The following RAPGEF4 variants were observed in gnomAD, a reference collection of about 807,000 sequenced individuals.
The protein encoded by RAPGEF4 is Rap guanine nucleotide exchange factor 4.
A neutral mutation model predicts 147.9 loss-of-function variants in RAPGEF4; 66 were observed. That is an observed-to-expected ratio of 0.45 (90% CI 0.37 to 0.55). The LOEUF (loss-of-function observed/expected upper bound fraction) is 0.55. Ranked by LOEUF, RAPGEF4 falls within the 20% of genes least tolerant of loss-of-function variation. The pLI is 0.00. For synonymous variants in RAPGEF4, 419 were observed against 442.7 expected (o/e 0.95, Z 0.67); for missense variants, 1,071 against 1,257.3 (o/e 0.85, Z 2.24).
intron 4 of RAPGEF4, among the ~76,000 whole-genome samples, chr2:172,821,099 T>C (rs1689016697): frequency 6.6e-6 from 1 of 152,192 alleles, no homozygotes; most frequent in African/African-American, 2.4e-5. Context: ...GTCAGAAAAA[T>C]GAAAGCCAAA....
At chr2:172,874,690 T>C (rs1443015569) in intron 4 of RAPGEF4, among the ~76,000 whole-genome samples, 1 of 152,130 alleles carries the variant, frequency 6.6e-6, no homozygotes, top group Non-Finnish European at 1.5e-5. Context: ...CTATTGTGAA[T>C]AGTGCCGCAA....
intron 1 of RAPGEF4, among the ~76,000 whole-genome samples, chr2:172,756,283 A>G (rs1468762090): frequency 6.6e-6 from 1 of 152,222 alleles, no homozygotes; most frequent in Non-Finnish European, 1.5e-5. Flanking sequence ...CAAAATGGAA[A>G]GGTGCCTGTG....
intron 3 of RAPGEF4, 76 bp from the exon 4 acceptor site, chr2:172,814,203 A>C: frequency 7.0e-7 from 1 of 1,436,662 alleles, no homozygotes; most frequent in East Asian, 2.3e-5. Flanking sequence ...TACAAATTAT[A>C]CTGCAGTTAA....
chr2:173,004,828 C>T (rs1694275578), intron 17 of RAPGEF4, among the ~76,000 whole-genome samples: 1 of 151,884 alleles, frequency 6.6e-6, no homozygotes, highest in Non-Finnish European at 1.5e-5. Flanking sequence ...AATAATGTTA[C>T]ATGTGCTTTT....
At chr2:172,813,275 T>C (rs1363243392) in intron 3 of RAPGEF4, among the ~76,000 whole-genome samples, 1 of 152,250 alleles carries the variant, frequency 6.6e-6, no homozygotes, top group East Asian at 1.9e-4. Context: ...CCTTAGTTTA[T>C]AATGCCTTAC....
At position 172,877,198 on chromosome 2, in the gene RAPGEF4, G is replaced by A. The variant is rs1206365301; in HGVS notation, c.445-40604G>A. Among the ~76,000 whole-genome samples the A allele has an allele frequency of 2.6e-5, 4 of 152,170 alleles. No homozygotes were observed. In the South Asian group the frequency reaches 6.2e-4, roughly 24 times the overall value. ...ACTATGCAGGCATAAAAAAGGATGA[G>A]TTCATGTCCTTTGCAGGGACATGGA... On this transcript the variant is annotated intron_variant, in intron 4 of 30. Transcript: ENST00000397081.
rs1575105969 is a variant in RAPGEF4, at chr2:172,875,074, G to A, written c.445-42728G>A. ...TGAGAAGTGTCTGTTCACATCCTTTGCCCACTTTTTGATGGGGTTGTTTGT... is the reference window on the plus strand; with the variant it reads ...TGAGAAGTGTCTGTTCACATCCTTTACCCACTTTTTGATGGGGTTGTTTGT... On this transcript the variant is annotated intron_variant, in intron 4 of 30. Transcript: ENST00000397081. 2.0e-5 allele frequency among the ~76,000 whole-genome samples: 3 copies of A among 152,216 alleles called. No individual in the cohort carries two copies. In the South Asian group the frequency reaches 6.2e-4, roughly 32 times the overall value.
intron 4 of RAPGEF4, among the ~76,000 whole-genome samples, chr2:172,836,509 G>C (rs17705834): frequency 0.015 from 2,275 of 152,320 alleles, 20 homozygotes; most frequent in South Asian, 0.034. Context: ...TTGCCTGGTA[G>C]AATAATAACA....
intron 4 of RAPGEF4, among the ~76,000 whole-genome samples, chr2:172,898,311 A>T (rs1471744279): frequency 1.3e-5 from 2 of 152,114 alleles, no homozygotes; most frequent in Non-Finnish European, 2.9e-5. Context: ...GTAGCTGTTG[A>T]ATCCTGTTCC....
In RAPGEF4 at chr2:173,017,195, A is replaced by G. The variant is rs1296353146; in HGVS notation, c.1920A>G (p.Pro640=). ...GTAGCTCAGAAGATGCAAAGGCACC[A>G]CAAAAGAAGGTAGGTGGCATGAACT... ...VKQISEDAKA[P]QKKHKVLLQQ... is the part of the protein sequence containing the mutation. The change falls in exon 20 of 31, where the codon CCA becomes CCG. Residue 640 remains proline (P), a synonymous_variant. Coordinates refer to ENST00000397081, the MANE Select transcript of RAPGEF4 (RefSeq NM_007023.4). The G allele has an allele frequency of 6.2e-7, 1 of 1,613,636 alleles. No individual in the cohort carries two copies. Among genetic ancestry groups the G allele is most frequent in the South Asian group, 1.1e-5 (1 of 91,074 alleles).
chr2:172,871,283 A>T (rs147673660), intron 4 of RAPGEF4, among the ~76,000 whole-genome samples: 2 of 152,294 alleles, frequency 1.3e-5, no homozygotes, highest in African/African-American at 4.8e-5. Context: ...TTAGACTTGC[A>T]CTGATTTTTG....
intron 6 of RAPGEF4, among the ~76,000 whole-genome samples, chr2:172,926,702 G>A (rs544960587): frequency 2.0e-5 from 3 of 152,208 alleles, no homozygotes; most frequent in African/African-American, 7.2e-5. Context: ...CTTCTGAGTA[G>A]CTGGGACTAC....
At chr2:173,040,967 A>G (rs1684691832) in intron 29 of RAPGEF4, among the ~76,000 whole-genome samples, 1 of 152,214 alleles carries the variant, frequency 6.6e-6, no homozygotes, top group Non-Finnish European at 1.5e-5. Flanking sequence ...TGCATAAAGC[A>G]TGCTGATAAG....
At chr2:172,738,054 T>TG (rs1693971587) in intron 1 of RAPGEF4, among the ~76,000 whole-genome samples, 1 of 152,280 alleles carries the variant, frequency 6.6e-6, no homozygotes, top group Non-Finnish European at 1.5e-5. Context: ...ATGAAGGCCA[T>TG]GGGGGGACTT....
chr2:173,032,692 G>A (rs1697304935), intron 26 of RAPGEF4, among the ~76,000 whole-genome samples: 1 of 152,148 alleles, frequency 6.6e-6, no homozygotes, highest in Non-Finnish European at 1.5e-5. Context: ...AACTTGAAAT[G>A]CCAGAAAAAT....
chr2:172,925,610 AC>A (rs1278120604), intron 6 of RAPGEF4, among the ~76,000 whole-genome samples: 56 of 151,884 alleles, frequency 3.7e-4, no homozygotes, highest in African/African-American at 1.2e-3. Flanking sequence ...ACACACACAC[AC>A]ACACACGCTG....
intron 4 of RAPGEF4, chr2:172,860,080 A>G: frequency 5.1e-6 from 5 of 985,414 alleles, no homozygotes; most frequent in Non-Finnish European, 6.0e-6. Flanking sequence ...CGGCTAAAGA[A>G]AGGTAGGATG....
rs1410715623 is a variant in RAPGEF4, at chr2:172,814,149, C to T, written c.298-130C>T. 4 of 910,204 alleles carry T rather than the reference C, an allele frequency of 4.4e-6. No homozygotes were observed. The African/African-American group carries it at 5.0e-5, about 11-fold the overall frequency. 56.4% of individuals were successfully genotyped at this position (910,204 alleles called of 1,614,324 possible). A position where few individuals can be genotyped will look rare whatever the true frequency, so the allele number is the denominator to read the frequency against. ...TAATTACTCCGGTATATATATTTGT[C>T]AAGACTTGTTGAACTATGCAATTAA... On this transcript the variant is annotated intron_variant, in intron 3 of 30. Coordinates refer to ENST00000397081, the MANE Select transcript of RAPGEF4 (RefSeq NM_007023.4).
chr2:172,889,948 G>C (rs1451214385), intron 4 of RAPGEF4: 1 of 470,484 alleles, frequency 2.1e-6, no homozygotes, highest in Non-Finnish European at 2.8e-6. Context: ...TGATGTGCTG[G>C]GTTTATTTCT....
Sources: allele counts gnomAD v4.1 joint callset (sites outside exome capture counted in the v4.1 genomes callset), GRCh38; gene constraint gnomAD v4.1.1; transcripts MANE v1.5; gene names NCBI Gene and HGNC (gene_info 2026-07-23, HGNC 2026-07-21).